CCR5AS: variants seen among roughly 807,000 people sequenced by gnomAD.
CCR5AS encodes CCR5 antisense RNA.
intron 1 of CCR5AS, among the ~76,000 whole-genome samples, chr3:46,400,576 A>G (rs1701998311): frequency 1.3e-5 from 2 of 152,200 alleles, no homozygotes; most frequent in Admixed American, 1.3e-4. Flanking sequence ...TATTGTGAGA[A>G]TTCAGTGGTA....
intron 2 of CCR5AS, among the ~76,000 whole-genome samples, chr3:46,391,547 A>G (rs1034726609): frequency 6.6e-6 from 1 of 152,230 alleles, no homozygotes; most frequent in African/African-American, 2.4e-5. Context: ...CAAACAGGCC[A>G]TGGACTCAGC....
intron 3 of CCR5AS, among the ~76,000 whole-genome samples, chr3:46,370,132 T>C (rs1452084530): frequency 6.6e-6 from 1 of 151,986 alleles, no homozygotes; most frequent in African/African-American, 2.4e-5. Flanking sequence ...ATGTGGAAAA[T>C]TTCTCATAGC....
intron 2 of CCR5AS, among the ~76,000 whole-genome samples, chr3:46,379,975 G>A (rs1357452328): frequency 6.6e-6 from 1 of 152,114 alleles, no homozygotes; most frequent in Non-Finnish European, 1.5e-5. Context: ...CAGAAAGCAG[G>A]CACTTTGAAA....
intron 1 of CCR5AS, among the ~76,000 whole-genome samples, chr3:46,393,491 A>G (rs1408677785): frequency 6.6e-6 from 1 of 151,850 alleles, no homozygotes; most frequent in South Asian, 2.1e-4. Context: ...GAAAAGAAAA[A>G]AAAAGAAGAA....
intron 2 of CCR5AS, chr3:46,373,168 A>G (rs1575279294): frequency 6.2e-7 from 1 of 1,613,988 alleles, no homozygotes; most frequent in Non-Finnish European, 8.5e-7. Context: ...TGGGCTCACT[A>G]TGCTGCCGCC....
chr3:46,365,543 T>C (rs1252337242), intron 3 of CCR5AS, among the ~76,000 whole-genome samples: 1 of 152,166 alleles, frequency 6.6e-6, no homozygotes, highest in Non-Finnish European at 1.5e-5. Flanking sequence ...TTTACTGTGG[T>C]GGTCTGAAGC....
At chr3:46,373,181 G>A in intron 2 of CCR5AS, 2 of 1,614,166 alleles carry the variant, frequency 1.2e-6, no homozygotes. Context: ...CTGCCGCCCA[G>A]TGGGACTTTG....
chr3:46,395,601 A>T (rs1488320856), intron 1 of CCR5AS, among the ~76,000 whole-genome samples: 2 of 152,212 alleles, frequency 1.3e-5, no homozygotes, highest in African/African-American at 2.4e-5. Context: ...ATCGGAATGC[A>T]GAAAGACTTT....
chr3:46,404,891 G>T (rs1702032477), intron 1 of CCR5AS, among the ~76,000 whole-genome samples: 1 of 150,480 alleles, frequency 6.6e-6, no homozygotes, highest in African/African-American at 2.5e-5. Context: ...AAGTAAATGA[G>T]TGATCTACAC....
chr3:46,373,049 G>A (rs759632621), intron 2 of CCR5AS: 1 of 1,614,166 alleles, frequency 6.2e-7, no homozygotes, highest in Non-Finnish European at 8.5e-7. Context: ...TGGGCAACAT[G>A]CTGGTCATCC....
At chr3:46,371,710 C>A (rs550248476) in intron 2 of CCR5AS, among the ~76,000 whole-genome samples, 2 of 152,094 alleles carry the variant, frequency 1.3e-5, no homozygotes, top group East Asian at 3.9e-4. Context: ...TGGTGGCAGA[C>A]GAAACATTTT....
chr3:46,366,068 C>G (rs1445945978), intron 3 of CCR5AS, among the ~76,000 whole-genome samples: 2 of 152,202 alleles, frequency 1.3e-5, no homozygotes, highest in African/African-American at 4.8e-5. Context: ...ACCAATCCTG[C>G]CCACTTCTAC....
At chr3:46,399,815 G>T (rs961547304) in intron 1 of CCR5AS, among the ~76,000 whole-genome samples, 3 of 152,146 alleles carry the variant, frequency 2.0e-5, no homozygotes, top group Non-Finnish European at 2.9e-5. Context: ...TCATTAGAAC[G>T]GGGGTGAAGA....
chr3:46,392,938 C>T (rs138075382), exon 2 of CCR5AS: 1,816 of 170,778 alleles, frequency 0.011, 49 homozygotes, highest in African/African-American at 0.041. Context: ...GAAGGAGTCA[C>T]CCTGTCCGGG....
chr3:46,394,809 G>T (rs1701946148), intron 1 of CCR5AS, among the ~76,000 whole-genome samples: 1 of 152,192 alleles, frequency 6.6e-6, no homozygotes, highest in African/African-American at 2.4e-5. Flanking sequence ...AGAGCAGAAA[G>T]TGAGAAGGGA....
chr3:46,364,729 G>T (rs1358510175), exon 4 of CCR5AS, among the ~76,000 whole-genome samples: 2 of 152,060 alleles, frequency 1.3e-5, no homozygotes, highest in African/African-American at 4.8e-5. Context: ...AAAGCTTCTG[G>T]AAAGTAGTCA....
At chr3:46,372,094 C>T (rs1428749435) in intron 2 of CCR5AS, among the ~76,000 whole-genome samples, 4 of 152,152 alleles carry the variant, frequency 2.6e-5, no homozygotes, top group Non-Finnish European at 4.4e-5. Context: ...TAAGGTTGCC[C>T]TAAGGATTAA....
chr3:46,396,733 G>A lies in CCR5AS; in HGVS notation n.164-3681C>T, dbSNP rs902566616. Among the ~76,000 whole-genome samples, 11 of 152,264 alleles carry A rather than the reference G, an allele frequency of 7.2e-5. No individual in the cohort carries two copies. The East Asian group carries it at 2.1e-3, about 29-fold the overall frequency. Reference sequence around the variant, plus strand: ...CTAATTCCTTGTAGGAATAACTGAGGCCTCCTCTGTGACCACGTGGGCAGC... The same window carrying A: ...CTAATTCCTTGTAGGAATAACTGAGACCTCCTCTGTGACCACGTGGGCAGC... On this transcript the variant is annotated intron_variant and non_coding_transcript_variant, in intron 1 of 3. Coordinates refer to ENST00000451485, the Ensembl canonical transcript of CCR5AS.
intron 1 of CCR5AS, among the ~76,000 whole-genome samples, chr3:46,395,470 G>A (rs866683097): frequency 2.2e-4 from 34 of 152,124 alleles, no homozygotes; most frequent in African/African-American, 8.0e-4. Flanking sequence ...AGCCAAATCC[G>A]GGGGATTGGC....
Sources: gnomAD v4.1 joint callset for allele counts (sites outside exome capture counted in the v4.1 genomes callset) on GRCh38, gnomAD v4.1.1 for gene constraint, MANE v1.5 for transcripts, NCBI Gene and HGNC (gene_info 2026-07-23, HGNC 2026-07-21) for gene names.